MRGPRX1: variants seen among roughly 807,000 people sequenced by gnomAD.
The protein encoded by MRGPRX1 is MAS related GPR family member X1.
For synonymous variants in MRGPRX1, 208 were observed against 170.4 expected (o/e 1.22, Z -1.72); for missense variants, 411 against 393.8 (o/e 1.04, Z -0.37).
rs770373803 is a variant in MRGPRX1, at chr11:18,934,357, C to T, written c.428G>A (p.Cys143Tyr). The T allele has an allele frequency of 5.6e-6, 9 of 1,610,810 alleles. No homozygotes were observed. The Admixed American group carries it at 8.4e-5, about 15-fold the overall frequency. Residue 143 changes from cysteine to tyrosine, a missense_variant, in exon 2 of 2, where the codon TGT (cysteine) becomes TAT (tyrosine). Physicochemically the swap from Cys to Tyr is radical, Grantham distance 194. Coordinates refer to ENST00000526914, the MANE Select transcript of MRGPRX1 (RefSeq NM_001393578.1). ...CAGGGACAGGGCCCAGAGCAGGACACACACCACCGCTGACAGGTGTGTGGG... is the reference window on the plus strand; with the variant it reads ...CAGGGACAGGGCCCAGAGCAGGACATACACCACCGCTGACAGGTGTGTGGG... ...HRPTHLSAVV[C>Y]VLLWALSLLR...
rs1377524110 is a variant in MRGPRX1, at chr11:18,934,619, T to C, written c.166A>G (p.Met56Val). The C allele has an allele frequency of 1.9e-6, 3 of 1,610,374 alleles. No homozygotes were observed. In the South Asian group the frequency reaches 3.3e-5, roughly 18 times the overall value. ...TAGATGGAGAAGGCGTTCCTGCGCA[T>C]GCGGCAGCCCAGGAGCCAGAGCACA... is the stretch of plus-strand genomic sequence containing the variant. ...AVVLWLLGCR[M>V]RRNAFSIYIL... Residue 56 changes from methionine to valine, a missense_variant, in exon 2 of 2, where the codon ATG (methionine) becomes GTG (valine). By Grantham distance (21) the Met-to-Val change is conservative. Coordinates refer to ENST00000526914, the MANE Select transcript of MRGPRX1 (RefSeq NM_001393578.1).
rs774652270 is a variant in MRGPRX1 at position 18,934,580 on chromosome 11, C to G, written c.205G>C (p.Ala69Pro). 2.5e-6 allele frequency: 4 copies of G among 1,609,730 alleles called. No homozygotes were observed. The highest frequency in any genetic ancestry group is 3.4e-6 in the Non-Finnish European group (4 of 1,177,710). ...NAFSIYILNLAAADFLFLSGR... is the reference protein window; with the variant it reads ...NAFSIYILNLPAADFLFLSGR... ...CTGAGGAAGAGGAAGTCTGCTGCGGCCAAGTTGAGGATGTAGATGGAGAAG... is the reference window on the plus strand; with the variant it reads ...CTGAGGAAGAGGAAGTCTGCTGCGGGCAAGTTGAGGATGTAGATGGAGAAG... The change falls in exon 2 of 2, where the codon GCC becomes CCC. Residue 69 changes from alanine to proline, a missense_variant. Transcript: ENST00000526914.
chr11:18,934,442 C>T lies in MRGPRX1; in HGVS notation c.343G>A (p.Ala115Thr). 6.2e-7 allele frequency: 1 copy of T among 1,610,590 alleles called. No individual in the cohort carries two copies. Among genetic ancestry groups the T allele is most frequent in the South Asian group, 1.1e-5 (1 of 90,722 alleles). ...GACAGGCAGCGCTCGGTGCTCACGG[C>T]ACTCAGAAAGCTCAGGCCTGCAAAG... ...SYFAGLSFLS[A>T]VSTERCLSVL... Residue 115 changes from alanine to threonine, a missense_variant, in exon 2 of 2, where the codon GCC becomes ACC. Physicochemically the swap from Ala to Thr is moderately conservative, Grantham distance 58 (BLOSUM62 0). Transcript: ENST00000526914.
Position 18,934,397 on chromosome 11 carries a change from A to G in MRGPRX1, c.388T>C (p.Tyr130His). The change falls in exon 2 of 2, where the codon TAC (tyrosine) becomes CAC (histidine). Residue 130 changes from tyrosine (Y) to histidine (H), a missense_variant. Transcript: ENST00000526914. Reference protein sequence around the residue: ...RCLSVLWPIWYRCHRPTHLSA... With the variant: ...RCLSVLWPIWHRCHRPTHLSA... Reference sequence around the variant, plus strand: ...AGGTGTGTGGGGCGGTGGCAGCGGTACCAGATGGGCCACAGGACGGACAGG... The same window carrying G: ...AGGTGTGTGGGGCGGTGGCAGCGGTGCCAGATGGGCCACAGGACGGACAGG... 1 of 1,610,866 alleles carries G rather than the reference A, an allele frequency of 6.2e-7. No homozygotes were observed.
In MRGPRX1 at chr11:18,934,707, C is replaced by A; in HGVS notation, c.78G>T (p.Gln26His). Residue 26 changes from glutamine (Q) to histidine (H), a missense_variant, in exon 2 of 2, where the codon CAG becomes CAT. Transcript: ENST00000526914. ...NGTEETLCYK[Q>H]TLSLTVLTCI... is the part of the protein sequence containing the mutation. ...ACGTCAGCACCGTGAGGCTCAAGGT[C>A]TGCTTGTAGCAAAGAGTCTCCTCAG... is the stretch of plus-strand genomic sequence containing the variant. 1.2e-6 allele frequency: 2 copies of A among 1,609,280 alleles called. No homozygotes were observed. The highest frequency in any genetic ancestry group is 1.7e-6 in the Non-Finnish European group (2 of 1,177,558).
rs1237400529 is a variant in MRGPRX1, at chr11:18,934,505, T to C, written c.280A>G (p.Ile94Val). ...LLSFISIPHTISKILYPVMMF... is the reference protein window; with the variant it reads ...LLSFISIPHTVSKILYPVMMF... Reference sequence around the variant, plus strand: ...ATCACAGGATAGAGGATTTTAGAGATGGTATGGGGGATACTGATGAAGCTT... The same window carrying C: ...ATCACAGGATAGAGGATTTTAGAGACGGTATGGGGGATACTGATGAAGCTT... Residue 94 changes from isoleucine to valine, a missense_variant, in exon 2 of 2, where the codon ATC (isoleucine) becomes GTC (valine). Ile to Val is a conservative substitution (Grantham distance 29). Coordinates refer to ENST00000526914, the MANE Select transcript of MRGPRX1 (RefSeq NM_001393578.1). 13 of 1,610,610 alleles carry C rather than the reference T, an allele frequency of 8.1e-6. No individual in the cohort carries two copies. The highest frequency in any genetic ancestry group is 1.0e-5 in the Non-Finnish European group (12 of 1,178,068).
chr11:18,938,642 G>C (rs186390327), intron 1 of MRGPRX1, among the ~76,000 whole-genome samples: 5 of 151,446 alleles, frequency 3.3e-5, no homozygotes, highest in Non-Finnish European at 7.4e-5. Flanking sequence ...GCCGTGCAAG[G>C]CTTCTCCACC....
chr11:18,934,121 C>T lies in MRGPRX1; in HGVS notation c.664G>A (p.Val222Ile), dbSNP rs1264706814. The T allele has an allele frequency of 6.2e-6, 10 of 1,610,982 alleles. No individual in the cohort carries two copies. The highest frequency in any genetic ancestry group is 8.5e-6 in the Non-Finnish European group (10 of 1,178,250). The part of the protein sequence containing the change: ...TRLYVTILLT[V>I]LVFLLCGLPF... ...AGGCCACAGAGGAGGAAGACCAGTACTGTGAGCAGGATGGTCACGTACAGC... is the reference window on the plus strand; with the variant it reads ...AGGCCACAGAGGAGGAAGACCAGTATTGTGAGCAGGATGGTCACGTACAGC... Residue 222 changes from valine to isoleucine, a missense_variant, in exon 2 of 2, where the codon GTA (valine) becomes ATA (isoleucine). Val to Ile is a conservative substitution (Grantham distance 29). Coordinates refer to ENST00000526914, the MANE Select transcript of MRGPRX1 (RefSeq NM_001393578.1).
rs377631306 is a variant in MRGPRX1, at chr11:18,933,733, G to T, written c.*83C>A. 9 of 1,510,560 alleles carry T rather than the reference G, an allele frequency of 6.0e-6. No homozygotes were observed. The East Asian group carries it at 1.4e-4, about 23-fold the overall frequency. 93.6% of individuals were successfully genotyped at this position (1,510,560 alleles called of 1,614,324 possible). On this transcript the variant is annotated 3_prime_UTR_variant, in exon 2 of 2. Transcript: ENST00000526914. The stretch of plus-strand genomic sequence containing the variant: ...CACTGAGACATTTCTGAGGCAGAAG[G>T]CTAAGAAAAACGCATATAATTGTCA...
rs562648390 is a variant in MRGPRX1, at chr11:18,936,614, C to T, written c.-25-1805G>A. On this transcript the variant is annotated intron_variant, in intron 1 of 1. Coordinates refer to ENST00000526914, the MANE Select transcript of MRGPRX1 (RefSeq NM_001393578.1). ...AAGGAAATGGGAGGAAAAGGAGAAC[C>T]TCTGTTATCCACAGGCAGGGCACTA... Among the ~76,000 whole-genome samples the T allele has an allele frequency of 8.0e-4, 121 of 151,342 alleles. 1 individual carries two copies. Among genetic ancestry groups the T allele is most frequent in the Middle Eastern group, 3.4e-3 (1 of 292 alleles).
At chr11:18,936,386 A>G (rs1201025514) in intron 1 of MRGPRX1, among the ~76,000 whole-genome samples, 1 of 151,234 alleles carries the variant, frequency 6.6e-6, no homozygotes, top group Non-Finnish European at 1.5e-5. Flanking sequence ...AGTGAAAGCC[A>G]TTTAGTAACA....
At chr11:18,937,387 G>T (rs773465868) in intron 1 of MRGPRX1, among the ~76,000 whole-genome samples, 1 of 151,270 alleles carries the variant, frequency 6.6e-6, no homozygotes, top group Non-Finnish European at 1.5e-5. Flanking sequence ...AGGGGCTTTC[G>T]CATATGGCAG....
At chr11:18,936,466 G>A (rs1415755324) in intron 1 of MRGPRX1, among the ~76,000 whole-genome samples, 5 of 151,284 alleles carry the variant, frequency 3.3e-5, no homozygotes, top group Non-Finnish European at 7.4e-5. Context: ...CACAGGGACA[G>A]GAGGCCTCCA....
At chr11:18,936,596 T>C (rs1848842906) in intron 1 of MRGPRX1, among the ~76,000 whole-genome samples, 2 of 151,060 alleles carry the variant, frequency 1.3e-5, no homozygotes, top group Non-Finnish European at 3.0e-5. Context: ...AAAAAGGAAA[T>C]GGGAGGAAAA....
intron 1 of MRGPRX1, among the ~76,000 whole-genome samples, chr11:18,936,298 GAAA>G (rs370789004): frequency 7.3e-6 from 1 of 136,830 alleles, no homozygotes; most frequent in African/African-American, 2.6e-5. Context: ...ATTGTGGGTT[GAAA>G]AAAAAAAAAA....
intron 1 of MRGPRX1, among the ~76,000 whole-genome samples, chr11:18,937,333 G>T (rs1848849014): frequency 6.6e-6 from 1 of 151,332 alleles, no homozygotes; most frequent in Non-Finnish European, 1.5e-5. Context: ...ATGCCTTGGA[G>T]CTTCCCGCAC....
At chr11:18,934,847 A>G in intron 1 of MRGPRX1, 38 bp from the exon 2 acceptor site, 1 of 1,504,226 alleles carries the variant, frequency 6.6e-7, no homozygotes, top group South Asian at 1.4e-5. Context: ...CAGCTGTATG[A>G]TCTCTGATTC....
intron 1 of MRGPRX1, among the ~76,000 whole-genome samples, chr11:18,936,044 C>T (rs917465372): frequency 6.6e-6 from 1 of 151,448 alleles, no homozygotes; most frequent in Non-Finnish European, 1.5e-5. Flanking sequence ...TTTTAATTAT[C>T]TGAAGAGCCT....
intron 1 of MRGPRX1, among the ~76,000 whole-genome samples, chr11:18,938,665 C>A (rs191239220): frequency 6.6e-6 from 1 of 151,502 alleles, no homozygotes; most frequent in East Asian, 1.9e-4. Flanking sequence ...CCTGCTGGAG[C>A]TCTACCACCC....
Sources: allele counts gnomAD v4.1 joint callset (sites outside exome capture counted in the v4.1 genomes callset), GRCh38; gene constraint gnomAD v4.1.1; transcripts MANE v1.5; gene names NCBI Gene and HGNC (gene_info 2026-07-23, HGNC 2026-07-21).